The following CDHR1 variants were observed in gnomAD, a reference collection of about 807,000 sequenced individuals.
The protein encoded by CDHR1 is cadherin related family member 1.
A neutral mutation model predicts 72.1 loss-of-function variants in CDHR1; 61 were observed. The observed-to-expected ratio is 0.85, with a 90% CI of 0.69 to 1.05. The LOEUF is 1.05. Among genes scored for constraint, CDHR1 ranks in the 50% least tolerant of loss-of-function variants. The pLI is 0.00. For synonymous variants in CDHR1, 470 were observed against 448.1 expected (o/e 1.05, Z -0.62); for missense variants, 1,186 against 1,115.7 (o/e 1.06, Z -0.90).
intron 2 of CDHR1, 47 bp from the exon 3 acceptor site, chr10:84,196,458 A>G: frequency 6.2e-7 from 1 of 1,611,864 alleles, no homozygotes; most frequent in Non-Finnish European, 8.5e-7. Flanking sequence ...ACTTTTAGGA[A>G]AAGTTGGGTC....
intron 6 of CDHR1, among the ~76,000 whole-genome samples, chr10:84,201,467 T>C (rs78278943): frequency 0.026 from 3,946 of 152,292 alleles, 159 homozygotes; most frequent in African/African-American, 0.088. Context: ...TGGCTCCCTC[T>C]GGGTTAGATT....
chr10:84,194,686 G>A lies in CDHR1; in HGVS notation c.-75G>A. 3.7e-6 allele frequency: 4 copies of A among 1,081,760 alleles called. No homozygotes were observed. The highest frequency in any genetic ancestry group is 4.6e-5 in the Admixed American group (1 of 21,720). The allele number at this position is 1,081,760 out of a possible 1,614,324, so 67.0% of individuals were successfully genotyped here. On this transcript the variant is annotated 5_prime_UTR_variant, in exon 1 of 17. Transcript: ENST00000623527. ...CCCCATTGTGGTCTCTGCCCTCCCC[G>A]CGGGCCCAGGGCATGCTCCGTGCCC... is the stretch of plus-strand genomic sequence containing the variant.
intron 14 of CDHR1, 77 bp from the exon 15 acceptor site, chr10:84,212,099 GCTC>G: frequency 8.0e-7 from 1 of 1,250,716 alleles, no homozygotes; most frequent in Admixed American, 1.7e-5. Flanking sequence ...TCAGGAGGCA[GCTC>G]ATTATTGCAG....
intron 2 of CDHR1, among the ~76,000 whole-genome samples, chr10:84,196,170 T>C (rs1842026635): frequency 6.6e-6 from 1 of 152,152 alleles, no homozygotes; most frequent in African/African-American, 2.4e-5. Flanking sequence ...CCCTCAATCT[T>C]GGATCCTGAG....
chr10:84,219,436 C>G, downstream of CDHR1: 1 of 1,226,816 alleles, frequency 8.2e-7, no homozygotes, highest in Non-Finnish European at 1.1e-6. Context: ...CATCCTGACC[C>G]CTCTGTCTCA....
chr10:84,209,298 A>G (rs918971811), intron 12 of CDHR1, among the ~76,000 whole-genome samples: 2 of 152,240 alleles, frequency 1.3e-5, no homozygotes, highest in Non-Finnish European at 2.9e-5. Context: ...TGTATTATAA[A>G]ATGCATATCA....
At chr10:84,200,359 T>C (rs1842100956) in intron 5 of CDHR1, among the ~76,000 whole-genome samples, 1 of 152,172 alleles carries the variant, frequency 6.6e-6, no homozygotes, top group African/African-American at 2.4e-5. Flanking sequence ...TTCTTCTCCC[T>C]CTCTCCTTGA....
rs1396105207 is a variant in CDHR1 at position 84,214,662 on chromosome 10, C to T, written c.*41C>T. 2.3e-5 allele frequency: 36 copies of T among 1,598,840 alleles called. No individual in the cohort carries two copies. The highest frequency in any genetic ancestry group is 5.3e-5 in the African/African-American group (4 of 74,896). Reference sequence around the variant, plus strand: ...CCCCCATCTTTCCTCCGCCCCTGACCCCCACCACCCTGCTGCTCGGACTAT... The same window carrying T: ...CCCCCATCTTTCCTCCGCCCCTGACTCCCACCACCCTGCTGCTCGGACTAT... On this transcript the variant is annotated 3_prime_UTR_variant, in exon 17 of 17. Transcript: ENST00000623527.
Position 84,215,899 on chromosome 10 carries a change from A to T in CDHR1, c.*1278A>T, listed in dbSNP as rs1255466964. 1.0e-6 allele frequency: 1 copy of T among 985,330 alleles called. No homozygotes were observed. The highest frequency in any genetic ancestry group is 1.2e-6 in the Non-Finnish European group (1 of 829,968). 61.0% of individuals were successfully genotyped at this position (985,330 alleles called of 1,614,324 possible). On this transcript the variant is annotated 3_prime_UTR_variant, in exon 17 of 17. Coordinates refer to ENST00000623527, the MANE Select transcript of CDHR1 (RefSeq NM_033100.4). ...GTCCTGGCCAGCTACCGTCAGAGAGAACCAGAGCTCCAAGTCTTTAATTTG... is the reference window on the plus strand; with the variant it reads ...GTCCTGGCCAGCTACCGTCAGAGAGTACCAGAGCTCCAAGTCTTTAATTTG...
chr10:84,216,414 G>T lies in CDHR1; in HGVS notation c.*1793G>T, dbSNP rs1356813680. The stretch of plus-strand genomic sequence containing the variant: ...AAGTACTTTCCAGCCTGTGTTTCAG[G>T]AGAGGACTGTGCTGGATCATGCTTG... On this transcript the variant is annotated 3_prime_UTR_variant, in exon 17 of 17. Coordinates refer to ENST00000623527, the MANE Select transcript of CDHR1 (RefSeq NM_033100.4). 3 of 985,396 alleles carry T rather than the reference G, an allele frequency of 3.0e-6. No individual in the cohort carries two copies. Among genetic ancestry groups the T allele is most frequent in the Non-Finnish European group, 3.6e-6 (3 of 829,970 alleles). 61.0% of individuals were successfully genotyped at this position (985,396 alleles called of 1,614,324 possible).
chr10:84,200,796 G>T (rs948061578), intron 6 of CDHR1, 109 bp downstream of exon 6: 5 of 763,406 alleles, frequency 6.5e-6, no homozygotes, highest in African/African-American at 3.5e-5. Flanking sequence ...TATGATTCCC[G>T]AGAAGTACAT....
rs1842439292 is a variant in CDHR1, at chr10:84,217,191, G to T, written c.*2570G>T. On this transcript the variant is annotated 3_prime_UTR_variant, in exon 17 of 17. Transcript: ENST00000623527. Reference sequence around the variant, plus strand: ...CAAGTCCCTGTGTTACGAATGGTGGGCCAAGGGGCTGTCTGCTAGGTCCCA... The same window carrying T: ...CAAGTCCCTGTGTTACGAATGGTGGTCCAAGGGGCTGTCTGCTAGGTCCCA... 3 of 985,408 alleles carry T rather than the reference G, an allele frequency of 3.0e-6. No individual in the cohort carries two copies. The highest frequency in any genetic ancestry group is 5.2e-4 in the Middle Eastern group (1 of 1,938). 61.0% of individuals were successfully genotyped at this position (985,408 alleles called of 1,614,324 possible).
At position 84,217,330 on chromosome 10, in the gene CDHR1, TG is replaced by T. The variant is rs1342295084; in HGVS notation, c.*2710del. On this transcript the variant is annotated 3_prime_UTR_variant, in exon 17 of 17. Transcript: ENST00000623527. ...CCATTCCTGGCCCTGAGAATGGAGC[TG>T]TAGCCTCATGGACAATAAATGGATG... 9.6e-5 allele frequency: 95 copies of T among 985,350 alleles called. No individual in the cohort carries two copies. The highest frequency in any genetic ancestry group is 1.0e-3 in the Middle Eastern group (2 of 1,936). 61.0% of individuals were successfully genotyped at this position (985,350 alleles called of 1,614,324 possible).
chr10:84,198,644 C>A (rs1277590054), intron 4 of CDHR1, among the ~76,000 whole-genome samples: 2 of 152,244 alleles, frequency 1.3e-5, no homozygotes, highest in Admixed American at 6.5e-5. Flanking sequence ...TCAACCCCAT[C>A]GGATGCATTT....
intron 10 of CDHR1, among the ~76,000 whole-genome samples, chr10:84,207,821 C>T (rs1020442967): frequency 3.9e-5 from 6 of 152,162 alleles, no homozygotes; most frequent in Non-Finnish European, 7.4e-5. Context: ...GGTTGGTTTC[C>T]ATGCCCACCC....
chr10:84,205,319 G>A (rs1842204528), intron 9 of CDHR1, among the ~76,000 whole-genome samples: 1 of 152,038 alleles, frequency 6.6e-6, no homozygotes, highest in East Asian at 1.9e-4. Flanking sequence ...CAGCCTCACA[G>A]GACCTCAGCT....
chr10:84,214,944 A>G lies in CDHR1; in HGVS notation c.*323A>G, dbSNP rs1304032465. 7.1e-6 allele frequency: 9 copies of G among 1,269,650 alleles called. No homozygotes were observed. Among genetic ancestry groups the G allele is most frequent in the African/African-American group, 1.5e-5 (1 of 65,762 alleles). The allele number at this position is 1,269,650 out of a possible 1,614,324, so 78.6% of individuals were successfully genotyped here. A position where few individuals can be genotyped will look rare whatever the true frequency, so the allele number is the denominator to read the frequency against. The stretch of plus-strand genomic sequence containing the variant: ...GAATTGACGAGAAGCCAGCTCACCC[A>G]TCCCAGACCTCACAGTCCCTCAGGT... On this transcript the variant is annotated 3_prime_UTR_variant, in exon 17 of 17. Coordinates refer to ENST00000623527, the MANE Select transcript of CDHR1 (RefSeq NM_033100.4).
chr10:84,210,396 G>C (rs776937827), intron 12 of CDHR1, among the ~76,000 whole-genome samples: 9 of 152,174 alleles, frequency 5.9e-5, no homozygotes, highest in African/African-American at 2.2e-4. Flanking sequence ...CTCCCGAGTA[G>C]CTGGGATTAC....
intron 4 of CDHR1, 76 bp from the exon 5 acceptor site, chr10:84,198,956 G>A (rs1488919305): frequency 1.9e-6 from 2 of 1,059,002 alleles, no homozygotes; most frequent in South Asian, 1.3e-5. Flanking sequence ...GTACATTGGA[G>A]TGATAGAGGT....
Sources: gnomAD v4.1 joint callset for allele counts (sites outside exome capture counted in the v4.1 genomes callset) on GRCh38, gnomAD v4.1.1 for gene constraint, MANE v1.5 for transcripts, NCBI Gene and HGNC (gene_info 2026-07-23, HGNC 2026-07-21) for gene names.